The following PGD variants were observed in gnomAD, a reference collection of about 807,000 sequenced individuals.
PGD encodes phosphogluconate dehydrogenase.
In PGD, 21 loss-of-function variants were observed where a neutral mutation model predicts 60.4. The observed-to-expected ratio is 0.35, with a 90% CI of 0.25 to 0.50. The LOEUF (loss-of-function observed/expected upper bound fraction) is 0.50, where lower values mean the gene tolerates loss of function less well. PGD is among the 20% of genes least tolerant of loss of function. The pLI, the probability that PGD is intolerant of heterozygous loss-of-function variation, is 0.98. For missense variants in PGD, 477 were observed against 613.1 expected (o/e 0.78, Z 2.34); for synonymous variants, 230 against 235.9 (o/e 0.97, Z 0.23).
rs1201815711 is a variant in PGD, at chr1:10,401,321, G to A, written c.264+749G>A. On this transcript the variant is annotated intron_variant, in intron 3 of 12. Transcript: ENST00000270776. Reference sequence around the variant, plus strand: ...TATCTTTTTTGGAAGAAAAAAGTAGGGGAACCAGTGGAAATAATGTGTTTA... The same window carrying A: ...TATCTTTTTTGGAAGAAAAAAGTAGAGGAACCAGTGGAAATAATGTGTTTA... Among the ~76,000 whole-genome samples the A allele has an allele frequency of 2.0e-5, 3 of 152,196 alleles. No individual in the cohort carries two copies. In the East Asian group the frequency reaches 5.8e-4, roughly 29 times the overall value.
intron 5 of PGD, among the ~76,000 whole-genome samples, chr1:10,405,916 C>T (rs545251163): frequency 5.3e-5 from 8 of 152,128 alleles, no homozygotes; most frequent in Non-Finnish European, 7.4e-5. Flanking sequence ...TGCAGTGGCG[C>T]GATCTCTGCT....
intron 3 of PGD, among the ~76,000 whole-genome samples, chr1:10,401,278 T>C (rs1639311028): frequency 1.3e-5 from 2 of 152,234 alleles, no homozygotes; most frequent in Non-Finnish European, 2.9e-5. Context: ...CCAAACAATT[T>C]GTTGGCTTTA....
chr1:10,417,135 G>A lies in PGD; in HGVS notation c.975+18G>A. The A allele has an allele frequency of 6.2e-7, 1 of 1,613,676 alleles. No homozygotes were observed. Among genetic ancestry groups the A allele is most frequent in the Non-Finnish European group, 8.5e-7 (1 of 1,179,710 alleles). On this transcript the variant is annotated intron_variant, in intron 9 of 12. Transcript: ENST00000270776. ...TTCGGAAGGTGGGACACAGTCCCTG[G>A]CAGTGGTCTTTGTTGGTCCTGCGGA...
intron 5 of PGD, 100 bp downstream of exon 5, chr1:10,404,379 C>G: frequency 1.6e-6 from 1 of 621,594 alleles, no homozygotes; most frequent in Non-Finnish European, 2.7e-6. Flanking sequence ...TCTGTGGTGC[C>G]CTGAGTGTGA....
chr1:10,419,371 C>CA (rs1639649919), intron 11 of PGD, 46 bp from the exon 12 acceptor site: 2 of 1,589,498 alleles, frequency 1.3e-6, no homozygotes, highest in Admixed American at 1.8e-5. Context: ...CTATCCGCGT[C>CA]ACCAGGGGCA....
In PGD at chr1:10,399,314, C is replaced by T. The variant is rs116826530; in HGVS notation, c.8+189C>T. Among the ~76,000 whole-genome samples, 722 of 152,316 alleles carry T rather than the reference C, an allele frequency of 4.7e-3. 7 individuals are homozygous for T. The highest frequency in any genetic ancestry group is 8.4e-3 in the Non-Finnish European group (569 of 68,024). On this transcript the variant is annotated intron_variant, in intron 1 of 12. Coordinates refer to ENST00000270776, the MANE Select transcript of PGD (RefSeq NM_002631.4). ...CCTTCCCTGCGGGCCCGGCCCCCTGCCCTCTCGGCCGCGCAGGCATGGGGC... is the reference window on the plus strand; with the variant it reads ...CCTTCCCTGCGGGCCCGGCCCCCTGTCCTCTCGGCCGCGCAGGCATGGGGC...
chr1:10,414,197 T>C (rs924553140), intron 8 of PGD, among the ~76,000 whole-genome samples: 1 of 152,198 alleles, frequency 6.6e-6, no homozygotes, highest in Non-Finnish European at 1.5e-5. Context: ...TTCTCCTTCC[T>C]CTTTTAGAAG....
chr1:10,399,705 G>A lies in PGD; in HGVS notation c.84+1G>A. 2.5e-6 allele frequency: 4 copies of A among 1,613,974 alleles called. No individual in the cohort carries two copies. The highest frequency in any genetic ancestry group is 3.4e-6 in the Non-Finnish European group (4 of 1,179,862). Reference sequence around the variant, plus strand: ...GAACATGAATGACCACGGCTTTGTGGTAAGCGGCGTGGGCGCGTTGTCTTC... The same window carrying A: ...GAACATGAATGACCACGGCTTTGTGATAAGCGGCGTGGGCGCGTTGTCTTC... On this transcript the variant is annotated splice_donor_variant, in intron 2 of 12. Coordinates refer to ENST00000270776, the MANE Select transcript of PGD (RefSeq NM_002631.4). LOFTEE classifies it high-confidence loss of function.
chr1:10,399,464 G>C (rs1009698548), intron 1 of PGD, 165 bp from the exon 2 acceptor site: 2 of 531,288 alleles, frequency 3.8e-6, no homozygotes, highest in South Asian at 3.7e-5. Flanking sequence ...CCGCCTGCCC[G>C]GCCGAGGCTC....
chr1:10,401,412 G>A (rs149698309), intron 3 of PGD, among the ~76,000 whole-genome samples: 3 of 152,314 alleles, frequency 2.0e-5, no homozygotes, highest in African/African-American at 7.2e-5. Flanking sequence ...TAGAAGAAAT[G>A]TTTTGCTGTA....
intron 5 of PGD, among the ~76,000 whole-genome samples, chr1:10,405,497 C>T (rs1190150729): frequency 6.6e-6 from 1 of 150,880 alleles, no homozygotes; most frequent in Non-Finnish European, 1.5e-5. Context: ...GCCCTGGCCT[C>T]CCAAAGTACT....
chr1:10,408,248 A>G lies in PGD; in HGVS notation c.519+108A>G. The G allele has an allele frequency of 4.1e-6, 3 of 732,164 alleles. No individual in the cohort carries two copies. In the South Asian group the frequency reaches 4.3e-5, roughly 10 times the overall value. The allele number at this position is 732,164 out of a possible 1,614,324, so 45.4% of individuals were successfully genotyped here. ...GTCTCCCAGGGGTTAGCTTGGTGAC[A>G]TAAACGTCTCGATCTTTGATTGCTA... On this transcript the variant is annotated intron_variant, in intron 6 of 12. Coordinates refer to ENST00000270776, the MANE Select transcript of PGD (RefSeq NM_002631.4).
intron 11 of PGD, 69 bp downstream of exon 11, chr1:10,418,994 TTTTG>T: frequency 1.1e-6 from 1 of 941,576 alleles, no homozygotes; most frequent in African/African-American, 1.7e-5. Flanking sequence ...ATGTTTGGTT[TTTTG>T]TTTTTTTTTT....
chr1:10,408,305 G>C (rs1639442748), intron 6 of PGD, among the ~76,000 whole-genome samples, 165 bp downstream of exon 6: 1 of 152,196 alleles, frequency 6.6e-6, no homozygotes, highest in African/African-American at 2.4e-5. Flanking sequence ...CATGCCTGCT[G>C]TTCACATCTT....
intron 7 of PGD, 170 bp from the exon 8 acceptor site, chr1:10,412,892 T>C: frequency 3.4e-6 from 2 of 585,198 alleles, no homozygotes; most frequent in Non-Finnish European, 6.1e-6. Context: ...CAAACACAAC[T>C]GACTCTGGGT....
intron 11 of PGD, 119 bp from the exon 12 acceptor site, chr1:10,419,298 T>G: frequency 1.3e-4 from 173 of 1,381,732 alleles, no homozygotes; most frequent in Non-Finnish European, 1.5e-4. Context: ...ATGACAGGCG[T>G]GAGCCACCGC....
chr1:10,400,067 C>T (rs1569965229), intron 2 of PGD: 1 of 451,352 alleles, frequency 2.2e-6, no homozygotes, highest in Middle Eastern at 5.9e-4. Context: ...GTTAAAGTGG[C>T]TTAGACGCCA....
intron 10 of PGD, among the ~76,000 whole-genome samples, chr1:10,418,312 T>A (rs1184196088): frequency 1.3e-5 from 2 of 152,194 alleles, no homozygotes; most frequent in Non-Finnish European, 2.9e-5. Flanking sequence ...ATCGTCAGAT[T>A]TTCTTCAGCC....
intron 3 of PGD, among the ~76,000 whole-genome samples, chr1:10,402,532 T>TAAAA (rs1412140894): frequency 2.6e-5 from 4 of 151,366 alleles, no homozygotes; most frequent in Non-Finnish European, 5.9e-5. Flanking sequence ...AAAAAAATTT[T>TAAAA]TTTTTTTTGA....
Sources: allele counts gnomAD v4.1 joint callset (sites outside exome capture counted in the v4.1 genomes callset), GRCh38; gene constraint gnomAD v4.1.1; transcripts MANE v1.5; gene names NCBI Gene and HGNC (gene_info 2026-07-23, HGNC 2026-07-21).